Variants in JAKMIP2 observed in about 807,000 individuals in gnomAD.
The protein encoded by JAKMIP2 is janus kinase and microtubule-interacting protein 2.
In JAKMIP2, 25 loss-of-function variants were observed where a neutral mutation model predicts 115.0. That is an observed-to-expected ratio of 0.22 (90% confidence interval 0.16 to 0.30). The LOEUF (loss-of-function observed/expected upper bound fraction) is 0.30. JAKMIP2 is among the 10% of genes least tolerant of loss of function. The pLI, the probability that JAKMIP2 is intolerant of heterozygous loss-of-function variation, is 1.00. For missense variants in JAKMIP2, 642 were observed against 957.6 expected (o/e 0.67, Z 4.35); for synonymous variants, 334 against 343.6 (o/e 0.97, Z 0.31).
intron 1 of JAKMIP2, among the ~76,000 whole-genome samples, chr5:147,695,822 A>C (rs1008368234): frequency 1.3e-5 from 2 of 152,150 alleles, no homozygotes; most frequent in Non-Finnish European, 2.9e-5. Context: ...TGCTTGACTT[A>C]GACTGAGACC....
rs540393583 is a variant in JAKMIP2 at position 147,608,567 on chromosome 5, A to G, written c.2412+3739T>C. On this transcript the variant is annotated intron_variant, in intron 20 of 21. Coordinates refer to ENST00000616793, the MANE Select transcript of JAKMIP2 (RefSeq NM_001270941.2). ...TTTGTTATGATTTCTGTTCTTTTGCATTTGCTGAGGAGTGTTTTACTTTCA... is the reference window on the plus strand; with the variant it reads ...TTTGTTATGATTTCTGTTCTTTTGCGTTTGCTGAGGAGTGTTTTACTTTCA... 3.2e-3 allele frequency among the ~76,000 whole-genome samples: 490 copies of G among 152,212 alleles called. 2 individuals are homozygous for G. The highest frequency in any genetic ancestry group is 0.011 in the African/African-American group (466 of 41,546).
At chr5:147,754,923 T>C (rs796906213) in intron 1 of JAKMIP2, among the ~76,000 whole-genome samples, 28 of 152,120 alleles carry the variant, frequency 1.8e-4, no homozygotes, top group African/African-American at 6.3e-4. Context: ...CCACTATGAG[T>C]GGAAGAGAGC....
chr5:147,714,238 A>G (rs1320961382), intron 1 of JAKMIP2, among the ~76,000 whole-genome samples: 2 of 152,206 alleles, frequency 1.3e-5, no homozygotes, highest in East Asian at 3.8e-4. Flanking sequence ...AAAGTCATGC[A>G]TGAAAAATTT....
intron 20 of JAKMIP2, among the ~76,000 whole-genome samples, chr5:147,604,270 T>G (rs1226398298): frequency 1.3e-5 from 2 of 152,204 alleles, no homozygotes; most frequent in African/African-American, 4.8e-5. Context: ...GCAGAGAATG[T>G]ATACTTTGGG....
rs1268371011 is a variant in JAKMIP2, at chr5:147,590,845, G to C, written c.*862C>G. ...TCTTCTTAGTTTTCAATATGAATGA[G>C]ATCAGTCCATTGTTGATAGAGGAAT... On this transcript the variant is annotated 3_prime_UTR_variant, in exon 22 of 22. Coordinates refer to ENST00000616793, the MANE Select transcript of JAKMIP2 (RefSeq NM_001270941.2). The C allele has an allele frequency of 6.6e-6, 1 of 152,186 alleles. No homozygotes were observed. The highest frequency in any genetic ancestry group is 1.5e-5 in the Non-Finnish European group (1 of 68,050). The allele number at this position is 152,186 out of a possible 1,614,324, so 9.4% of individuals were successfully genotyped here. A position where few individuals can be genotyped will look rare whatever the true frequency, so the allele number is the denominator to read the frequency against.
intron 1 of JAKMIP2, among the ~76,000 whole-genome samples, chr5:147,698,644 C>T (rs961730911): frequency 6.6e-6 from 1 of 152,120 alleles, no homozygotes; most frequent in African/African-American, 2.4e-5. Context: ...CTTATTAGGG[C>T]TTCCCCCTTC....
At chr5:147,593,303 G>C (rs1177821180) in intron 21 of JAKMIP2, among the ~76,000 whole-genome samples, 1 of 152,358 alleles carries the variant, frequency 6.6e-6, no homozygotes, top group South Asian at 2.1e-4. Flanking sequence ...GGCATCCCCT[G>C]CACACCCTTC....
intron 13 of JAKMIP2, among the ~76,000 whole-genome samples, chr5:147,632,207 T>C (rs7710371): frequency 0.047 from 7,207 of 152,192 alleles, 551 homozygotes; most frequent in African/African-American, 0.16. Context: ...TTTTCATAAA[T>C]GCATTAGGGA....
intron 1 of JAKMIP2, among the ~76,000 whole-genome samples, chr5:147,706,214 C>T (rs971201126): frequency 6.6e-6 from 1 of 152,104 alleles, no homozygotes; most frequent in African/African-American, 2.4e-5. Context: ...TAAGGAAAGA[C>T]TCTTACAGAA....
intron 19 of JAKMIP2, among the ~76,000 whole-genome samples, chr5:147,613,035 A>G (rs1581287778): frequency 2.0e-5 from 3 of 152,348 alleles, no homozygotes; most frequent in Middle Eastern, 6.8e-3. Context: ...TTAGGAAAAC[A>G]CCAGAATATA....
chr5:147,686,392 C>T lies in JAKMIP2; in HGVS notation c.-148-14438G>A, dbSNP rs545641223. On this transcript the variant is annotated intron_variant, in intron 1 of 21. Coordinates refer to ENST00000616793, the MANE Select transcript of JAKMIP2 (RefSeq NM_001270941.2). ...TTCTTGGGGAAGCCAGCCTCTCTCA[C>T]GCATATCTTACCAAACTCACGGGTA... is the stretch of plus-strand genomic sequence containing the variant. Among the ~76,000 whole-genome samples, 6 of 152,222 alleles carry T rather than the reference C, an allele frequency of 3.9e-5. No homozygotes were observed. In the South Asian group the frequency reaches 6.2e-4, roughly 16 times the overall value.
chr5:147,736,382 T>TG (rs1315336732), intron 1 of JAKMIP2, among the ~76,000 whole-genome samples: 1 of 151,912 alleles, frequency 6.6e-6, no homozygotes, highest in East Asian at 1.9e-4. Context: ...TGCTTGAACC[T>TG]GGGGGGTGGA....
At chr5:147,715,521 T>C (rs1434378725) in intron 1 of JAKMIP2, among the ~76,000 whole-genome samples, 1 of 151,242 alleles carries the variant, frequency 6.6e-6, no homozygotes, top group Non-Finnish European at 1.5e-5. Flanking sequence ...AAGCAGCCTG[T>C]GACGGCTGTA....
chr5:147,612,378 A>G lies in JAKMIP2; in HGVS notation c.2347-7T>C. 8.0e-6 allele frequency: 12 copies of G among 1,493,000 alleles called. No homozygotes were observed. The highest frequency in any genetic ancestry group is 1.1e-5 in the Non-Finnish European group (12 of 1,088,554). The allele number at this position is 1,493,000 out of a possible 1,614,324, so 92.5% of individuals were successfully genotyped here. A position where few individuals can be genotyped will look rare whatever the true frequency, so the allele number is the denominator to read the frequency against. ...CTTCTAAGTCACGAATTCTCTGAAG[A>G]AAGAAAAGAAAAGAAAGAAAGCATC... On this transcript the variant is annotated splice_region_variant and splice_polypyrimidine_tract_variant and intron_variant, in intron 19 of 21. Coordinates refer to ENST00000616793, the MANE Select transcript of JAKMIP2 (RefSeq NM_001270941.2).
chr5:147,747,310 C>T (rs1170109418), intron 1 of JAKMIP2, among the ~76,000 whole-genome samples: 2 of 152,152 alleles, frequency 1.3e-5, no homozygotes, highest in South Asian at 4.1e-4. Context: ...TATAAACATC[C>T]CTACAAGAAA....
chr5:147,768,068 C>A (rs905744310), intron 1 of JAKMIP2, among the ~76,000 whole-genome samples: 1 of 151,994 alleles, frequency 6.6e-6, no homozygotes, highest in Non-Finnish European at 1.5e-5. Flanking sequence ...AAAACCCCTA[C>A]ACACACACAC....
intron 1 of JAKMIP2, among the ~76,000 whole-genome samples, chr5:147,742,433 G>T (rs991505065): frequency 1.3e-5 from 2 of 152,002 alleles, no homozygotes; most frequent in South Asian, 4.1e-4. Flanking sequence ...AATCATTCAA[G>T]AAATATTTGT....
intron 1 of JAKMIP2, among the ~76,000 whole-genome samples, chr5:147,736,869 T>C (rs1477172293): frequency 6.6e-6 from 1 of 152,170 alleles, no homozygotes; most frequent in East Asian, 1.9e-4. Flanking sequence ...AGAGGTTTTC[T>C]ACAATAGACA....
At chr5:147,676,647 C>T (rs779319889) in intron 1 of JAKMIP2, among the ~76,000 whole-genome samples, 2 of 152,222 alleles carry the variant, frequency 1.3e-5, no homozygotes, top group Admixed American at 6.5e-5. Context: ...AGGCCTTCCA[C>T]TATCCCTAAT....
Sources: allele counts gnomAD v4.1 joint callset (sites outside exome capture counted in the v4.1 genomes callset), GRCh38; gene constraint gnomAD v4.1.1; transcripts MANE v1.5; gene names NCBI Gene and HGNC (gene_info 2026-07-23, HGNC 2026-07-21).